SORL1: variants seen among roughly 807,000 people sequenced by gnomAD.
SORL1 encodes sortilin related receptor 1, also known as sortilin-related receptor.
SORL1 carries 127 observed loss-of-function variants against 273.7 expected under a neutral mutation model. The ratio of observed to expected loss-of-function variants is 0.46; its 90% CI spans 0.40 to 0.54. The LOEUF is 0.54. Ranked by LOEUF, SORL1 falls within the 20% of genes least tolerant of loss-of-function variation. SORL1 has a pLI of 0.00. For missense variants in SORL1, 2,494 were observed against 2,846.1 expected (o/e 0.88, Z 2.81); for synonymous variants, 1,031 against 1,067.4 (o/e 0.97, Z 0.66).
At position 121,627,541 on chromosome 11, in the gene SORL1, C is replaced by G. The variant is rs1282014519; in HGVS notation, c.6365-14C>G. ...CCTCAGGTGGGCTTATTGGTGGGAA[C>G]TTTGCCTTGGCAGGTGCAGATGCAT... is the stretch of plus-strand genomic sequence containing the variant. On this transcript the variant is annotated splice_polypyrimidine_tract_variant and intron_variant, in intron 46 of 47. Transcript: ENST00000260197. The surrounding 1 kb of genome is among the most constrained non-coding windows in gnomAD (Gnocchi z 4.9). 6.2e-7 allele frequency: 1 copy of G among 1,612,752 alleles called. No homozygotes were observed. The highest frequency in any genetic ancestry group is 8.5e-7 in the Non-Finnish European group (1 of 1,178,808).
intron 24 of SORL1, 92 bp downstream of exon 24, chr11:121,574,455 A>G: frequency 2.5e-6 from 3 of 1,197,426 alleles, no homozygotes; most frequent in Non-Finnish European, 3.6e-6. Flanking sequence ...TGGTTTTCTG[A>G]TAGCCGTCTC....
At chr11:121,597,528 C>A (rs925816499) in intron 32 of SORL1, among the ~76,000 whole-genome samples, 11 of 151,214 alleles carry the variant, frequency 7.3e-5, no homozygotes, top group African/African-American at 2.7e-4. Flanking sequence ...CGGGTGGGAT[C>A]TCAGCTCACT....
At chr11:121,582,237 C>A (rs1167817226) in intron 25 of SORL1, among the ~76,000 whole-genome samples, 4 of 152,192 alleles carry the variant, frequency 2.6e-5, no homozygotes, top group Non-Finnish European at 5.9e-5. Flanking sequence ...CAGTAAAATT[C>A]CTGAGGACAT....
chr11:121,590,920 C>A, intron 30 of SORL1, 81 bp from the exon 31 acceptor site: 1 of 1,519,056 alleles, frequency 6.6e-7, no homozygotes, highest in Non-Finnish European at 9.1e-7. Context: ...CTGGGACATC[C>A]GCACTAGGTT....
intron 24 of SORL1, 117 bp downstream of exon 24, chr11:121,574,480 T>A: frequency 1.1e-6 from 1 of 908,366 alleles, no homozygotes; most frequent in South Asian, 1.7e-5. Context: ...TTTATGATAT[T>A]CTAGCTGAAT....
intron 12 of SORL1, 39 bp downstream of exon 12, chr11:121,532,591 C>G (rs1231980736): frequency 1.9e-6 from 3 of 1,540,474 alleles, no homozygotes; most frequent in South Asian, 1.1e-5. Context: ...ATCAAACTTT[C>G]TCCCAGAAAT....
chr11:121,623,638 C>T (rs1205042024), intron 45 of SORL1, among the ~76,000 whole-genome samples: 2 of 152,152 alleles, frequency 1.3e-5, no homozygotes, highest in Non-Finnish European at 2.9e-5. Flanking sequence ...TAACTGCTGG[C>T]TTATAGGAAA....
chr11:121,629,530 A>G lies in SORL1; in HGVS notation c.6612A>G (p.Gly2204=). 6.3e-7 allele frequency: 1 copy of G among 1,590,360 alleles called. No homozygotes were observed. Residue 2204 remains glycine (G), a synonymous_variant, in exon 48 of 48, where the codon GGA becomes GGG. Transcript: ENST00000260197. The part of the protein sequence containing the change: ...EDDEDAPMIT[G]FSDDVPMVIA ...ATGAAGATGCCCCTATGATAACTGG[A>G]TTTTCAGATGACGTCCCCATGGTGA...
chr11:121,561,352 G>A (rs949260594), intron 21 of SORL1, among the ~76,000 whole-genome samples: 2 of 152,204 alleles, frequency 1.3e-5, no homozygotes, highest in Admixed American at 1.3e-4. Context: ...GGAGGAGAGA[G>A]TTTGTGGTCT....
Position 121,520,652 on chromosome 11 carries a change from T to C in SORL1, c.1212-5T>C, listed in dbSNP as rs1230354809. The stretch of plus-strand genomic sequence containing the variant: ...GGTTCATAGCTGTTTATTTTCATAT[T>C]GTAGGTATTTTGCAAATGAACCATT... On this transcript the variant is annotated splice_region_variant and splice_polypyrimidine_tract_variant and intron_variant, in intron 8 of 47. Coordinates refer to ENST00000260197, the MANE Select transcript of SORL1 (RefSeq NM_003105.6). 2 of 1,553,114 alleles carry C rather than the reference T, an allele frequency of 1.3e-6. No individual in the cohort carries two copies. The highest frequency in any genetic ancestry group is 1.4e-5 in the African/African-American group (1 of 72,376).
intron 22 of SORL1, 51 bp from the exon 23 acceptor site, chr11:121,570,106 G>A: frequency 8.2e-7 from 1 of 1,224,298 alleles, no homozygotes; most frequent in Non-Finnish European, 1.2e-6. Flanking sequence ...TGGTCCAGCA[G>A]TAAGAATAAT....
intron 18 of SORL1, chr11:121,557,068 G>T (rs2134906690): frequency 1.9e-6 from 1 of 531,164 alleles, no homozygotes; most frequent in African/African-American, 1.9e-5. Context: ...TCATGCCCTG[G>T]AAACTGGGGC....
chr11:121,468,706 C>A (rs927041521), intron 1 of SORL1, among the ~76,000 whole-genome samples: 1 of 152,158 alleles, frequency 6.6e-6, no homozygotes, highest in African/African-American at 2.4e-5. Context: ...CAGTCGTGGG[C>A]CACCGAGCCT....
chr11:121,553,696 T>C (rs1328422009), intron 16 of SORL1, among the ~76,000 whole-genome samples: 1 of 152,168 alleles, frequency 6.6e-6, no homozygotes, highest in African/African-American at 2.4e-5. Context: ...AAGAAAAACA[T>C]AACAAGTAAA....
chr11:121,583,197 G>A (rs1183244862), intron 25 of SORL1, among the ~76,000 whole-genome samples: 3 of 152,206 alleles, frequency 2.0e-5, no homozygotes, highest in African/African-American at 7.2e-5. Context: ...GTCGTGAAGA[G>A]CAAGTGATTT....
intron 32 of SORL1, among the ~76,000 whole-genome samples, chr11:121,597,187 G>A (rs1863307916): frequency 1.3e-5 from 2 of 152,308 alleles, no homozygotes; most frequent in South Asian, 2.1e-4. Context: ...AAGGCTCAGG[G>A]GGAAAGGGAA....
chr11:121,522,543 A>G (rs1436723191), intron 9 of SORL1, 43 bp from the exon 10 acceptor site: 6 of 1,403,368 alleles, frequency 4.3e-6, no homozygotes, highest in African/African-American at 1.4e-5. Flanking sequence ...AACGCTAGGC[A>G]TGGTATCATG....
chr11:121,516,762 A>G (rs1408308959), intron 8 of SORL1, among the ~76,000 whole-genome samples: 5 of 152,004 alleles, frequency 3.3e-5, no homozygotes, highest in Non-Finnish European at 7.4e-5. Flanking sequence ...TATTGAAAAA[A>G]TTATTTACTG....
At chr11:121,585,952 A>G (rs1202929834) in intron 26 of SORL1, among the ~76,000 whole-genome samples, 2 of 152,190 alleles carry the variant, frequency 1.3e-5, no homozygotes, top group Non-Finnish European at 2.9e-5. Flanking sequence ...TCAACCTGTT[A>G]CAAACAGTGT....
Sources: allele counts gnomAD v4.1 joint callset (sites outside exome capture counted in the v4.1 genomes callset), GRCh38; gene constraint gnomAD v4.1.1; non-coding constraint Gnocchi (gnomAD v3.1); transcripts MANE v1.5; gene names NCBI Gene and HGNC (gene_info 2026-07-23, HGNC 2026-07-21).